Variants in METTL15 observed in about 807,000 individuals in gnomAD.
METTL15 encodes methyltransferase 15, mitochondrial 12S rRNA N4-cytidine.
In METTL15, 34 loss-of-function variants were observed where a neutral mutation model predicts 38.3. The observed-to-expected ratio is 0.89, with a 90% CI of 0.68 to 1.18. The LOEUF (loss-of-function observed/expected upper bound fraction) is 1.18. METTL15 is among the 50% of genes most tolerant of loss of function. The pLI is 0.00. For synonymous variants in METTL15, 162 were observed against 170.9 expected, an observed-to-expected ratio of 0.95 and a Z score of 0.41; for missense variants, 438 against 498.4, an observed-to-expected ratio of 0.88 and a Z score of 1.15.
chr11:28,243,823 C>A (rs1376225664), intron 4 of METTL15, among the ~76,000 whole-genome samples: 2 of 152,122 alleles, frequency 1.3e-5, no homozygotes, highest in Non-Finnish European at 2.9e-5. Context: ...AAAATAAGAA[C>A]TTTTCAATAA....
chr11:28,185,293 G>C (rs904467489), intron 3 of METTL15, among the ~76,000 whole-genome samples: 1 of 151,486 alleles, frequency 6.6e-6, no homozygotes, highest in South Asian at 2.1e-4. Flanking sequence ...CTAGAGTACA[G>C]ATTTTTTTTT....
At chr11:28,281,377 G>C (rs1197897926) in intron 4 of METTL15, among the ~76,000 whole-genome samples, 2 of 152,116 alleles carry the variant, frequency 1.3e-5, no homozygotes, top group Non-Finnish European at 2.9e-5. Context: ...TGAAGCTGCC[G>C]AAAGTTCTCC....
At chr11:28,523,826 C>T (rs1851786997) in intron 6 of METTL15, among the ~76,000 whole-genome samples, 1 of 152,102 alleles carries the variant, frequency 6.6e-6, no homozygotes, top group South Asian at 2.1e-4. Context: ...GCCTATTGAG[C>T]CTGTGGTTTC....
At chr11:28,148,549 T>A (rs919538756) in intron 3 of METTL15, among the ~76,000 whole-genome samples, 1 of 151,968 alleles carries the variant, frequency 6.6e-6, no homozygotes, top group African/African-American at 2.4e-5. Flanking sequence ...GGGTCATGCT[T>A]ATTTCCAATT....
At chr11:28,130,422 T>G (rs1852711861) in intron 3 of METTL15, among the ~76,000 whole-genome samples, 1 of 152,174 alleles carries the variant, frequency 6.6e-6, no homozygotes, top group Admixed American at 6.5e-5. Flanking sequence ...ATAGTTTGTA[T>G]GCACATAACC....
intron 4 of METTL15, among the ~76,000 whole-genome samples, chr11:28,271,426 G>A (rs1196300233): frequency 2.6e-5 from 4 of 152,118 alleles, no homozygotes; most frequent in Admixed American, 2.6e-4. Context: ...ATTTAAGATT[G>A]ACATTGGTTG....
chr11:28,200,190 G>T (rs1852057775), intron 3 of METTL15, among the ~76,000 whole-genome samples: 2 of 152,092 alleles, frequency 1.3e-5, no homozygotes, highest in African/African-American at 4.8e-5. Context: ...TAATTGTGCA[G>T]GTGGGCAGGA....
chr11:28,414,601 A>T (rs2133415467), intron 5 of METTL15, among the ~76,000 whole-genome samples: 1 of 152,312 alleles, frequency 6.6e-6, no homozygotes, highest in African/African-American at 2.4e-5. Context: ...CAACTATTTG[A>T]TGCCATGTTT....
intron 3 of METTL15, among the ~76,000 whole-genome samples, chr11:28,117,259 GTATATATATATATATA>G (rs60938215): frequency 0.018 from 1,966 of 108,574 alleles, 38 homozygotes; most frequent in East Asian, 0.054. Flanking sequence ...GTGTGTGTGT[GTATATATATATATATA>G]TATATATATA....
At chr11:28,372,776 C>T (rs1234578113) in intron 5 of METTL15, among the ~76,000 whole-genome samples, 2 of 117,214 alleles carry the variant, frequency 1.7e-5, no homozygotes, top group Non-Finnish European at 1.7e-5. Context: ...CCCCTCCCCC[C>T]ACCCCACAAC....
At chr11:28,241,239 A>T (rs1854279514) in intron 4 of METTL15, among the ~76,000 whole-genome samples, 1 of 152,158 alleles carries the variant, frequency 6.6e-6, no homozygotes, top group Non-Finnish European at 1.5e-5. Context: ...CTTATGATGA[A>T]AAACAACCAG....
chr11:28,267,713 T>C (rs1008773152), intron 4 of METTL15, among the ~76,000 whole-genome samples: 5 of 152,144 alleles, frequency 3.3e-5, no homozygotes, highest in Admixed American at 1.3e-4. Flanking sequence ...ACAATATGAC[T>C]CACAGAGGTT....
At chr11:28,456,784 C>T (rs978658547) in intron 6 of METTL15, among the ~76,000 whole-genome samples, 2 of 152,112 alleles carry the variant, frequency 1.3e-5, no homozygotes, top group Non-Finnish European at 2.9e-5. Flanking sequence ...ACAAAGACCA[C>T]GTGTGTGTAA....
intron 4 of METTL15, among the ~76,000 whole-genome samples, chr11:28,284,850 T>A (rs1325876714): frequency 6.6e-6 from 1 of 152,068 alleles, no homozygotes; most frequent in East Asian, 1.9e-4. Context: ...TTATATGGGG[T>A]GTGGCTAAAG....
chr11:28,372,516 G>GA (rs1300992750), intron 5 of METTL15, among the ~76,000 whole-genome samples: 16 of 141,662 alleles, frequency 1.1e-4, no homozygotes, highest in African/African-American at 2.3e-4. Context: ...TCAAGTTCTG[G>GA]AAAAAAAACC....
chr11:28,446,627 C>T (rs2133444324), intron 6 of METTL15, among the ~76,000 whole-genome samples: 1 of 152,240 alleles, frequency 6.6e-6, no homozygotes, highest in African/African-American at 2.4e-5. Context: ...AACTACACAT[C>T]ATCATAGCAA....
chr11:28,250,648 A>G (rs1300805669), intron 4 of METTL15, among the ~76,000 whole-genome samples: 4 of 152,062 alleles, frequency 2.6e-5, no homozygotes, highest in Admixed American at 6.6e-5. Context: ...AACAGTCCAG[A>G]GGCAGTGTGC....
At chr11:28,158,214 C>T (rs958093879) in intron 3 of METTL15, among the ~76,000 whole-genome samples, 1 of 152,164 alleles carries the variant, frequency 6.6e-6, no homozygotes, top group Non-Finnish European at 1.5e-5. Flanking sequence ...TTGCATCTCA[C>T]GTGAGTGCTC....
chr11:28,157,450 T>A (rs1335700352), intron 3 of METTL15, among the ~76,000 whole-genome samples: 1 of 152,174 alleles, frequency 6.6e-6, no homozygotes, highest in Non-Finnish European at 1.5e-5. Context: ...AGGCCCCCCA[T>A]AGGTGAGTCA....
Sources: allele counts gnomAD v4.1 joint callset (sites outside exome capture counted in the v4.1 genomes callset), GRCh38; gene constraint gnomAD v4.1.1; transcripts MANE v1.5; gene names NCBI Gene and HGNC (gene_info 2026-07-23, HGNC 2026-07-21).